Variants in HS3ST5 observed in about 807,000 individuals in gnomAD.
HS3ST5 encodes heparan sulfate glucosamine 3-O-sulfotransferase 5.
A neutral mutation model predicts 25.4 loss-of-function variants in HS3ST5; 10 were observed. That is an observed-to-expected ratio of 0.39 (90% confidence interval 0.24 to 0.67). HS3ST5 has a LOEUF of 0.67. Among genes scored for constraint, HS3ST5 ranks in the 30% least tolerant of loss-of-function variants. The pLI, the probability that HS3ST5 is intolerant of heterozygous loss-of-function variation, is 0.44. For synonymous variants in HS3ST5, 170 were observed against 162.4 expected (o/e 1.05, Z -0.36); for missense variants, 324 against 420.7 (o/e 0.77, Z 2.01).
In HS3ST5 at chr6:114,057,235, T is replaced by C; in HGVS notation, c.*22A>G. 6.7e-7 allele frequency: 1 copy of C among 1,493,718 alleles called. No homozygotes were observed. The highest frequency in any genetic ancestry group is 9.3e-7 in the Non-Finnish European group (1 of 1,076,848). 92.5% of individuals were successfully genotyped at this position (1,493,718 alleles called of 1,614,324 possible). On this transcript the variant is annotated 3_prime_UTR_variant, in exon 5 of 5. Transcript: ENST00000312719. ...ATTGTGTGTCTCCAGGCACAACACA[T>C]AGTGTTGTATGACATATTATTTTAG...
intron 2 of HS3ST5, among the ~76,000 whole-genome samples, chr6:114,208,644 C>T (rs1361156376): frequency 1.3e-5 from 2 of 152,110 alleles, no homozygotes; most frequent in Admixed American, 6.6e-5. Flanking sequence ...TCTGACTGGT[C>T]CATAGACTAA....
At chr6:114,246,857 C>T (rs966537708) in intron 1 of HS3ST5, among the ~76,000 whole-genome samples, 9 of 152,132 alleles carry the variant, frequency 5.9e-5, no homozygotes, top group African/African-American at 2.2e-4. Context: ...CTCCTTTAGC[C>T]AAACTGTTAC....
intron 1 of HS3ST5, among the ~76,000 whole-genome samples, chr6:114,312,489 C>T (rs1419689107): frequency 6.6e-6 from 1 of 151,884 alleles, no homozygotes; most frequent in Non-Finnish European, 1.5e-5. Context: ...TTTCTTAGAT[C>T]AGAAATAATA....
chr6:114,261,749 C>T (rs1297435148), intron 1 of HS3ST5, among the ~76,000 whole-genome samples: 1 of 152,122 alleles, frequency 6.6e-6, no homozygotes, highest in African/African-American at 2.4e-5. Context: ...AACATTTTTG[C>T]TTTTTGCAGT....
intron 1 of HS3ST5, among the ~76,000 whole-genome samples, chr6:114,229,787 G>A (rs1439426912): frequency 3.3e-5 from 5 of 152,130 alleles, no homozygotes; most frequent in Admixed American, 2.6e-4. Flanking sequence ...CTTGAATGAC[G>A]ACATGATGCT....
At chr6:114,159,418 A>G (rs879583153) in intron 3 of HS3ST5, among the ~76,000 whole-genome samples, 5 of 152,246 alleles carry the variant, frequency 3.3e-5, no homozygotes, top group Non-Finnish European at 4.4e-5. Context: ...AGAACAAAGT[A>G]TAACTACAAA....
chr6:114,266,746 C>A (rs901393313), intron 1 of HS3ST5, among the ~76,000 whole-genome samples: 4 of 152,086 alleles, frequency 2.6e-5, no homozygotes, highest in African/African-American at 9.7e-5. Flanking sequence ...TTTGCTCTAA[C>A]TTTTATTGAT....
At chr6:114,272,390 C>T (rs1386550579) in intron 1 of HS3ST5, among the ~76,000 whole-genome samples, 1 of 152,088 alleles carries the variant, frequency 6.6e-6, no homozygotes, top group East Asian at 1.9e-4. Flanking sequence ...CAGGGCAAGA[C>T]TTAACTTTGA....
Position 114,089,909 on chromosome 6 carries a change from T to G in HS3ST5, c.-32-27032A>C, listed in dbSNP as rs539913269. ...GAAAACGTTTCTTTTAATAGCTTTA[T>G]CTAATATAACAATAATCGGAATAAT... On this transcript the variant is annotated intron_variant, in intron 3 of 4. Coordinates refer to ENST00000312719, the MANE Select transcript of HS3ST5 (RefSeq NM_153612.4). Among the ~76,000 whole-genome samples the G allele has an allele frequency of 1.3e-3, 198 of 152,308 alleles. 1 individual carries two copies. Among genetic ancestry groups the G allele is most frequent in the Middle Eastern group, 3.4e-3 (1 of 294 alleles).
At chr6:114,286,710 A>T (rs1159770938) in intron 1 of HS3ST5, among the ~76,000 whole-genome samples, 1 of 151,986 alleles carries the variant, frequency 6.6e-6, no homozygotes, top group African/African-American at 2.4e-5. Context: ...TCAAGCATAC[A>T]ATTTTGCTTT....
intron 2 of HS3ST5, among the ~76,000 whole-genome samples, chr6:114,184,066 T>G (rs1329462633): frequency 7.4e-6 from 1 of 134,250 alleles, no homozygotes; most frequent in Admixed American, 7.4e-5. Flanking sequence ...TTTTTTTTTT[T>G]TTTTTTTTTT....
intron 1 of HS3ST5, among the ~76,000 whole-genome samples, chr6:114,238,481 GA>G (rs1373066484): frequency 6.6e-6 from 1 of 152,052 alleles, no homozygotes; most frequent in African/African-American, 2.4e-5. Context: ...TCTTTAAAAA[GA>G]TTTTTTTTTG....
rs958528252 is a variant in HS3ST5 at position 114,278,383 on chromosome 6, T to A, written c.-338-49605A>T. On this transcript the variant is annotated intron_variant, in intron 1 of 4. Coordinates refer to ENST00000312719, the MANE Select transcript of HS3ST5 (RefSeq NM_153612.4). Reference sequence around the variant, plus strand: ...TTCTGCATAATTTTGCTTGCAAATTTAACAATTCTTAGAAGGTTAGAGTCA... The same window carrying A: ...TTCTGCATAATTTTGCTTGCAAATTAAACAATTCTTAGAAGGTTAGAGTCA... Among the ~76,000 whole-genome samples, 48 of 152,126 alleles carry A rather than the reference T, an allele frequency of 3.2e-4. 1 individual carries two copies. Among genetic ancestry groups the A allele is most frequent in the African/African-American group, 1.1e-3 (44 of 41,554 alleles).
rs1772198000 is a variant in HS3ST5 at position 114,242,815 on chromosome 6, T to TGCAGTCC, written c.-338-14044_-338-14038dup. Among the ~76,000 whole-genome samples, 6 of 145,378 alleles carry TGCAGTCC rather than the reference T, an allele frequency of 4.1e-5. No homozygotes were observed. The South Asian group carries it at 1.3e-3, about 32-fold the overall frequency. ...TTGCAGTGAGCCGAGATTGCGCCAC[T>TGCAGTCC]GCAGTCCGCAGTCCGGCCTGGGCGA... On this transcript the variant is annotated intron_variant, in intron 1 of 4. Coordinates refer to ENST00000312719, the MANE Select transcript of HS3ST5 (RefSeq NM_153612.4).
rs566817145 is a variant in HS3ST5 at position 114,341,013 on chromosome 6, C to A, written c.-339+1182G>T. Among the ~76,000 whole-genome samples the A allele has an allele frequency of 7.5e-3, 1,055 of 140,252 alleles. 12 individuals are homozygous for A. Among genetic ancestry groups the A allele is most frequent in the African/African-American group, 0.026 (1,004 of 38,812 alleles). The allele number at this position is 140,252 out of a possible 152,430, so 92.0% of individuals were successfully genotyped here. Reference sequence around the variant, plus strand: ...CATGCTATTTATCAGACCAAGTTTACATAAATCAGAGAAGAGTTACAGTGC... The same window carrying A: ...CATGCTATTTATCAGACCAAGTTTAAATAAATCAGAGAAGAGTTACAGTGC... On this transcript the variant is annotated intron_variant, in intron 1 of 4. Transcript: ENST00000312719.
intron 1 of HS3ST5, among the ~76,000 whole-genome samples, chr6:114,255,159 G>A (rs1322885292): frequency 5.3e-5 from 8 of 152,296 alleles, no homozygotes; most frequent in African/African-American, 1.7e-4. Context: ...CATTTTAAAT[G>A]GGAGAAATTG....
At chr6:114,237,829 C>G (rs1237757245) in intron 1 of HS3ST5, among the ~76,000 whole-genome samples, 1 of 152,076 alleles carries the variant, frequency 6.6e-6, no homozygotes. Flanking sequence ...AACCACGATA[C>G]CTTTTGTGCA....
chr6:114,232,978 A>C (rs953621387), intron 1 of HS3ST5, among the ~76,000 whole-genome samples: 1 of 152,156 alleles, frequency 6.6e-6, no homozygotes, highest in Non-Finnish European at 1.5e-5. Flanking sequence ...CAGGCTAAAG[A>C]AAGATAACAC....
At chr6:114,107,116 C>T (rs774090546) in intron 3 of HS3ST5, among the ~76,000 whole-genome samples, 3 of 152,076 alleles carry the variant, frequency 2.0e-5, no homozygotes, top group East Asian at 1.9e-4. Flanking sequence ...ATATTTTCCT[C>T]GCTGTTTTTT....
Sources: allele counts gnomAD v4.1 joint callset (sites outside exome capture counted in the v4.1 genomes callset), GRCh38; gene constraint gnomAD v4.1.1; transcripts MANE v1.5; gene names NCBI Gene and HGNC (gene_info 2026-07-23, HGNC 2026-07-21).